Variants in SLC4A10 observed in about 807,000 individuals in gnomAD.
SLC4A10 encodes solute carrier family 4 member 10.
Under a neutral mutation model 137.7 loss-of-function variants are expected in SLC4A10, and 42 were observed. That is an observed-to-expected ratio of 0.30 (90% CI 0.24 to 0.39). The LOEUF (loss-of-function observed/expected upper bound fraction) is 0.39, where lower values mean the gene tolerates loss of function less well. SLC4A10 is among the 10% of genes least tolerant of loss of function. The pLI, the probability that SLC4A10 is intolerant of heterozygous loss-of-function variation, is 1.00. For synonymous variants in SLC4A10, 474 were observed against 464.1 expected, an observed-to-expected ratio of 1.02 and a Z score of -0.27; for missense variants, 925 against 1,355.0, an observed-to-expected ratio of 0.68 and a Z score of 4.98.
At chr2:161,941,566 G>T (rs150825543) in intron 15 of SLC4A10, among the ~76,000 whole-genome samples, 16 of 152,222 alleles carry the variant, frequency 1.1e-4, no homozygotes, top group African/African-American at 3.9e-4. Flanking sequence ...TTAAGCAGAG[G>T]ACATGAAGGG....
intron 1 of SLC4A10, among the ~76,000 whole-genome samples, chr2:161,698,853 A>G (rs1040075066): frequency 6.6e-6 from 1 of 151,922 alleles, no homozygotes; most frequent in Non-Finnish European, 1.5e-5. Flanking sequence ...CCTCTTTTTC[A>G]TATTGATTGG....
At chr2:161,854,514 C>G (rs1343740184) in intron 4 of SLC4A10, among the ~76,000 whole-genome samples, 3 of 152,136 alleles carry the variant, frequency 2.0e-5, no homozygotes, top group Non-Finnish European at 4.4e-5. Flanking sequence ...CCTAATTATG[C>G]TAGCCTCCCT....
chr2:161,855,468 CAT>C (rs901066783), intron 5 of SLC4A10, among the ~76,000 whole-genome samples: 91 of 152,076 alleles, frequency 6.0e-4, no homozygotes, highest in African/African-American at 2.1e-3. Flanking sequence ...AATATTCAAA[CAT>C]ATGAAATAAC....
chr2:161,674,737 T>C (rs1484842506), intron 1 of SLC4A10, among the ~76,000 whole-genome samples: 1 of 152,224 alleles, frequency 6.6e-6, no homozygotes, highest in Non-Finnish European at 1.5e-5. Context: ...TTTACAAATA[T>C]ACAAATACTT....
intron 1 of SLC4A10, among the ~76,000 whole-genome samples, chr2:161,680,941 T>C (rs932355710): frequency 4.6e-5 from 7 of 152,084 alleles, no homozygotes; most frequent in Non-Finnish European, 1.0e-4. Flanking sequence ...AAGAGATAGA[T>C]ATAAGTAACA....
chr2:161,787,818 C>T (rs2053793299), intron 2 of SLC4A10, among the ~76,000 whole-genome samples: 1 of 151,220 alleles, frequency 6.6e-6, no homozygotes, highest in Admixed American at 6.6e-5. Context: ...CTGAGTTGTT[C>T]TTCTGGTTTC....
intron 1 of SLC4A10, among the ~76,000 whole-genome samples, chr2:161,728,730 A>G (rs1470169479): frequency 6.6e-6 from 1 of 152,220 alleles, no homozygotes; most frequent in Non-Finnish European, 1.5e-5. Context: ...TAACCATGAT[A>G]CCAAAATCAC....
intron 15 of SLC4A10, among the ~76,000 whole-genome samples, chr2:161,935,081 T>A (rs1691337060): frequency 6.6e-6 from 1 of 152,172 alleles, no homozygotes; most frequent in Non-Finnish European, 1.5e-5. Context: ...GAGATAAGGG[T>A]CTGATTTCAT....
At chr2:161,627,019 A>T (rs1448618793) in intron 1 of SLC4A10, among the ~76,000 whole-genome samples, 2 of 152,150 alleles carry the variant, frequency 1.3e-5, no homozygotes, top group East Asian at 3.9e-4. Context: ...GGAAAGTTAT[A>T]AGTTACAGTT....
intron 1 of SLC4A10, among the ~76,000 whole-genome samples, chr2:161,630,551 A>C (rs182890498): frequency 6.6e-6 from 1 of 151,718 alleles, no homozygotes; most frequent in African/African-American, 2.4e-5. Context: ...AAAGAGATAT[A>C]TTTAAGGGCA....
intron 2 of SLC4A10, among the ~76,000 whole-genome samples, chr2:161,794,898 C>T (rs1168767649): frequency 6.6e-6 from 1 of 151,868 alleles, no homozygotes; most frequent in Non-Finnish European, 1.5e-5. Context: ...CCAGCTCTAG[C>T]ATACCACTGC....
intron 23 of SLC4A10, among the ~76,000 whole-genome samples, chr2:161,965,441 A>G (rs1448956092): frequency 1.3e-5 from 2 of 152,146 alleles, no homozygotes; most frequent in Non-Finnish European, 2.9e-5. Context: ...TGTAAGGCTC[A>G]TTTTTCTGAT....
intron 3 of SLC4A10, among the ~76,000 whole-genome samples, chr2:161,829,590 T>G (rs1361664896): frequency 6.6e-6 from 1 of 152,170 alleles, no homozygotes; most frequent in Non-Finnish European, 1.5e-5. Flanking sequence ...TTCCACTTTG[T>G]TTTTTATACT....
At chr2:161,628,938 A>G (rs1007818899) in intron 1 of SLC4A10, among the ~76,000 whole-genome samples, 3 of 151,994 alleles carry the variant, frequency 2.0e-5, no homozygotes, top group Non-Finnish European at 4.4e-5. Context: ...AAGGTCTGGA[A>G]CTCAAAATAC....
At chr2:161,668,805 T>C (rs746456501) in intron 1 of SLC4A10, among the ~76,000 whole-genome samples, 2 of 151,926 alleles carry the variant, frequency 1.3e-5, no homozygotes, top group Non-Finnish European at 2.9e-5. Context: ...AGAAGATTTC[T>C]AAATGGATTA....
intron 10 of SLC4A10, among the ~76,000 whole-genome samples, chr2:161,889,231 C>T (rs181484233): frequency 1.5e-3 from 228 of 152,018 alleles, no homozygotes; most frequent in African/African-American, 3.9e-3. Flanking sequence ...TCAGGGATAT[C>T]GGCCTGAAAT....
At chr2:161,724,733 C>T (rs1295440332) in intron 1 of SLC4A10, among the ~76,000 whole-genome samples, 1 of 152,062 alleles carries the variant, frequency 6.6e-6, no homozygotes, top group African/African-American at 2.4e-5. Context: ...GCCATTGCCC[C>T]CTCATTTATG....
intron 15 of SLC4A10, among the ~76,000 whole-genome samples, chr2:161,906,305 CT>C (rs1684340885): frequency 6.6e-6 from 1 of 151,982 alleles, no homozygotes; most frequent in Non-Finnish European, 1.5e-5. Context: ...GTAAAATAAA[CT>C]TATTGGGTCT....
chr2:161,889,175 A>T (rs1054212151), intron 10 of SLC4A10, among the ~76,000 whole-genome samples: 6 of 152,042 alleles, frequency 3.9e-5, no homozygotes, highest in Admixed American at 6.6e-5. Context: ...GTGCTGCTGG[A>T]TTTGGTTTGC....
Sources: gnomAD v4.1 joint callset for allele counts (sites outside exome capture counted in the v4.1 genomes callset) on GRCh38, gnomAD v4.1.1 for gene constraint, MANE v1.5 for transcripts, NCBI Gene and HGNC (gene_info 2026-07-23, HGNC 2026-07-21) for gene names.